The following DNAH5 variants were observed in gnomAD, a reference collection of about 807,000 sequenced individuals.
DNAH5 encodes the protein axonemal beta dynein heavy chain 5.
In DNAH5, 372 loss-of-function variants were observed where a neutral mutation model predicts 518.2. The observed-to-expected ratio is 0.72, with a 90% CI of 0.66 to 0.78. The LOEUF is 0.78. Among genes scored for constraint, DNAH5 ranks in the 30% least tolerant of loss-of-function variants. The pLI is 0.00. For missense variants in DNAH5, 5,523 were observed against 5,687.0 expected (o/e 0.97, Z 0.93); for synonymous variants, 2,039 against 2,025.9 (o/e 1.01, Z -0.17).
intron 64 of DNAH5, 89 bp downstream of exon 64, chr5:13,752,045 G>A (rs1196662376): frequency 8.0e-6 from 11 of 1,372,290 alleles, no homozygotes; most frequent in Non-Finnish European, 1.0e-5. Flanking sequence ...AATTTAAGTT[G>A]TTGCCTATTG....
intron 21 of DNAH5, among the ~76,000 whole-genome samples, chr5:13,880,947 C>A (rs1443873907): frequency 6.6e-6 from 1 of 151,774 alleles, no homozygotes; most frequent in Non-Finnish European, 1.5e-5. Context: ...GAGACTCATT[C>A]CACCTTAAAG....
At chr5:13,915,721 T>C (rs1371148161) in intron 9 of DNAH5, among the ~76,000 whole-genome samples, 2 of 152,160 alleles carry the variant, frequency 1.3e-5, no homozygotes, top group African/African-American at 4.8e-5. Flanking sequence ...TATTTTAATA[T>C]AACACTTAAG....
chr5:13,716,266 G>T (rs1744268668), intron 74 of DNAH5, among the ~76,000 whole-genome samples: 1 of 152,000 alleles, frequency 6.6e-6, no homozygotes, highest in African/African-American at 2.4e-5. Flanking sequence ...AAAGAGGGGG[G>T]ATGGAAACAC....
At chr5:13,943,857 G>A (rs780085208) in intron 1 of DNAH5, among the ~76,000 whole-genome samples, 1 of 152,160 alleles carries the variant, frequency 6.6e-6, no homozygotes, top group Non-Finnish European at 1.5e-5. Flanking sequence ...CCCTCTCTAT[G>A]CATTTGCATA....
intron 41 of DNAH5, among the ~76,000 whole-genome samples, chr5:13,820,127 T>C (rs1302981945): frequency 6.6e-6 from 1 of 152,198 alleles, no homozygotes; most frequent in Non-Finnish European, 1.5e-5. Flanking sequence ...ATGTAAAACA[T>C]ACAGTGCAGT....
Position 13,770,904 on chromosome 5 carries a change from G to T in DNAH5, c.9450C>A (p.Gly3150=). ...EIKKEVVQCM[G]SFQDGVAEKC... is the part of the protein sequence containing the mutation. Reference sequence around the variant, plus strand: ...TCTCAGCCACCCCATCCTGGAAGGAGCCCATGCATTGGACCACCTCCTTCT... The same window carrying T: ...TCTCAGCCACCCCATCCTGGAAGGATCCCATGCATTGGACCACCTCCTTCT... Residue 3150 remains glycine, a synonymous_variant, in exon 56 of 79, where the codon GGC becomes GGA. Transcript: ENST00000265104. The T allele has an allele frequency of 6.2e-7, 1 of 1,614,128 alleles. No homozygotes were observed. The highest frequency in any genetic ancestry group is 8.5e-7 in the Non-Finnish European group (1 of 1,179,994).
At position 13,830,735 on chromosome 5, in the gene DNAH5, C is replaced by G. The variant is rs752901859; in HGVS notation, c.5923G>C (p.Gly1975Arg). 3.7e-6 allele frequency: 6 copies of G among 1,614,042 alleles called. No individual in the cohort carries two copies. The Admixed American group carries it at 5.0e-5, about 13-fold the overall frequency. The change falls in exon 36 of 79, where the codon GGG (glycine) becomes CGG (arginine). Residue 1975 changes from glycine to arginine, a missense_variant. Gly to Arg is a moderately radical substitution (Grantham distance 125). Transcript: ENST00000265104. ...CCTGCAGGTCCAGCAGGGGCTCCCC[C>G]CATGCTCATTCCCAGAGCTTGAGCC... The part of the protein sequence containing the change: ...TLAQALGMSM[G>R]GAPAGPAGTG...
intron 1 of DNAH5, among the ~76,000 whole-genome samples, chr5:13,934,918 A>G (rs1778783282): frequency 6.6e-6 from 1 of 152,236 alleles, no homozygotes. Context: ...AAATGTCACT[A>G]AAGCCAGGAA....
chr5:13,716,060 G>C (rs552336090), intron 74 of DNAH5, among the ~76,000 whole-genome samples: 179 of 152,316 alleles, frequency 1.2e-3, no homozygotes, highest in Non-Finnish European at 2.0e-3. Context: ...CCAGGGTTAA[G>C]GAACAGATGT....
intron 17 of DNAH5, among the ~76,000 whole-genome samples, chr5:13,888,943 ACT>A (rs1772801944): frequency 6.6e-6 from 1 of 152,182 alleles, no homozygotes; most frequent in Admixed American, 6.5e-5. Context: ...CAGTATATCA[ACT>A]CAACAGAATA....
chr5:13,939,563 G>C (rs561214314), intron 1 of DNAH5, among the ~76,000 whole-genome samples: 75 of 152,044 alleles, frequency 4.9e-4, no homozygotes, highest in African/African-American at 1.3e-3. Context: ...TTGTCTTCCA[G>C]CTTCTCTGTT....
rs138641384 is a variant in DNAH5 at position 13,807,528 on chromosome 5, G to C, written c.7887+63C>G. 645 of 1,516,366 alleles carry C rather than the reference G, an allele frequency of 4.3e-4. 5 individuals carry two copies. The African/African-American group carries it at 8.1e-3, about 19-fold the overall frequency. The allele number at this position is 1,516,366 out of a possible 1,614,324, so 93.9% of individuals were successfully genotyped here. ...GATTCAATTGAAGCAGAATAGTAGAGATTTGAGCCTCCAAAGTTTATCACA... is the reference window on the plus strand; with the variant it reads ...GATTCAATTGAAGCAGAATAGTAGACATTTGAGCCTCCAAAGTTTATCACA... On this transcript the variant is annotated intron_variant, in intron 47 of 78. Transcript: ENST00000265104.
rs371650445 is a variant in DNAH5, at chr5:13,922,972, T to C, written c.438+308A>G. Among the ~76,000 whole-genome samples the C allele has an allele frequency of 3.0e-3, 457 of 152,224 alleles. 1 individual carries two copies. The highest frequency in any genetic ancestry group is 0.01 in the African/African-American group (427 of 41,534). Reference sequence around the variant, plus strand: ...ACTTTCAGAAATCTTATCTTAAATGTATAAAATTTGCCATTAAGTAAATTA... The same window carrying C: ...ACTTTCAGAAATCTTATCTTAAATGCATAAAATTTGCCATTAAGTAAATTA... On this transcript the variant is annotated intron_variant, in intron 4 of 78. Coordinates refer to ENST00000265104, the MANE Select transcript of DNAH5 (RefSeq NM_001369.3).
rs1299087565 is a variant in DNAH5 at position 13,951,796 on chromosome 5, T to G, written c.13-20552A>C. Among the ~76,000 whole-genome samples, 6 of 152,306 alleles carry G rather than the reference T, an allele frequency of 3.9e-5. No homozygotes were observed. In the South Asian group the frequency reaches 1.2e-3, roughly 32 times the overall value. On this transcript the variant is annotated intron_variant, in intron 1 of 78. Transcript: ENST00000681290. ...CCCTGAGGGATCATTTTGGGGGCTA[T>G]CTTTGCTGTTATCACAGCTGTGTTA...
At chr5:13,870,619 T>C (rs985003659) in intron 24 of DNAH5, 148 bp downstream of exon 24, 39 of 777,698 alleles carry the variant, frequency 5.0e-5, no homozygotes, top group Middle Eastern at 3.6e-4. Context: ...GGCAATGCTA[T>C]AGGGGTTCGG....
chr5:13,712,464 A>G (rs1743619286), intron 75 of DNAH5, among the ~76,000 whole-genome samples: 2 of 152,234 alleles, frequency 1.3e-5, no homozygotes, highest in South Asian at 4.1e-4. Context: ...ACAAAGATAT[A>G]TAGTTGGGAC....
In DNAH5 at chr5:13,717,334, T is replaced by A. The variant is rs374063061; in HGVS notation, c.12686A>T (p.Asp4229Val). Residue 4229 changes from aspartate to valine, a missense_variant, in exon 73 of 79, where the codon GAT becomes GTT. This residue lies in a region of DNAH5 where 5,121 missense variants were observed against 5,223.3 expected (regional missense o/e 0.98). Coordinates refer to ENST00000265104, the MANE Select transcript of DNAH5 (RefSeq NM_001369.3). ...CAGTACCTTTTTGACATCCATGTCA[T>A]CCAAGTGGTTTTGGATGAACTGCAC... ...ATVQFIQNHL[D>V]DMDVKKGVSW... 4 of 1,613,832 alleles carry A rather than the reference T, an allele frequency of 2.5e-6. No homozygotes were observed. The African/African-American group carries it at 4.0e-5, about 16-fold the overall frequency.
intron 60 of DNAH5, among the ~76,000 whole-genome samples, chr5:13,760,381 T>C (rs1751614207): frequency 6.6e-6 from 1 of 152,210 alleles, no homozygotes; most frequent in African/African-American, 2.4e-5. Flanking sequence ...AACTAACTCC[T>C]AGGACTTTTT....
At position 13,829,614 on chromosome 5, in the gene DNAH5, T is replaced by C. The variant is rs1415947152; in HGVS notation, c.6340A>G (p.Ile2114Val). Reference protein sequence around the residue: ...VAMMVPDRQIIIRVKLASCGF... With the variant: ...VAMMVPDRQIVIRVKLASCGF... ...CAACTAGCCAACTTCACCCTTATGA[T>C]AATCTGACGGTCAGGCACCATCATG... Residue 2114 changes from isoleucine to valine, a missense_variant, in exon 38 of 79, where the codon ATC becomes GTC. Transcript: ENST00000265104. 6.2e-7 allele frequency: 1 copy of C among 1,614,206 alleles called. No homozygotes were observed. The highest frequency in any genetic ancestry group is 1.1e-5 in the South Asian group (1 of 91,080).
Sources: allele counts gnomAD v4.1 joint callset (sites outside exome capture counted in the v4.1 genomes callset), GRCh38; gene constraint gnomAD v4.1.1; regional missense constraint gnomAD v4.1.1; transcripts MANE v1.5; gene names NCBI Gene and HGNC (gene_info 2026-07-23, HGNC 2026-07-21).